Variants in ZNF71 observed in about 807,000 individuals in gnomAD.
ZNF71 encodes the protein zinc finger protein 71, also known as endothelial zinc finger protein induced by tumor necrosis factor alpha.
In ZNF71, 3 loss-of-function variants were observed where a neutral mutation model predicts 6.7. The observed-to-expected ratio is 0.45, with a 90% CI of 0.20 to 1.16. ZNF71 has a LOEUF of 1.16. Among genes scored for constraint, ZNF71 ranks in the 50% most tolerant of loss-of-function variants. ZNF71 has a pLI of 0.25. For synonymous variants in ZNF71, 343 were observed against 311.1 expected (o/e 1.10, Z -1.08); for missense variants, 688 against 728.6 (o/e 0.94, Z 0.64).
intron 2 of ZNF71, among the ~76,000 whole-genome samples, chr19:56,612,639 A>AG (rs528890991): frequency 1.3e-3 from 191 of 152,212 alleles, no homozygotes; most frequent in African/African-American, 4.5e-3. Context: ...GCAAGGTGGC[A>AG]GGGGGGTGAG....
Position 56,623,070 on chromosome 19 carries a change from C to A in ZNF71, c.*313C>A. 1 of 367,562 alleles carries A rather than the reference C, an allele frequency of 2.7e-6. No homozygotes were observed. 22.8% of individuals were successfully genotyped at this position (367,562 alleles called of 1,614,324 possible). ...TTGAGTAACTGTCCTAGAGCTGGGA[C>A]AGGTCACGCCTGCCTCCACATCTCT... On this transcript the variant is annotated 3_prime_UTR_variant, in exon 4 of 4. Transcript: ENST00000599599.
At chr19:56,599,579 G>T (rs951586214) in intron 1 of ZNF71, among the ~76,000 whole-genome samples, 2 of 151,968 alleles carry the variant, frequency 1.3e-5, no homozygotes, top group Non-Finnish European at 2.9e-5. Flanking sequence ...GAGTACATGA[G>T]ATATTTTGAT....
Position 56,613,336 on chromosome 19 carries a change from C to A in ZNF71, c.34-476C>A, listed in dbSNP as rs537289824. Among the ~76,000 whole-genome samples, 1 of 152,212 alleles carries A rather than the reference C, an allele frequency of 6.6e-6. No homozygotes were observed. The highest frequency in any genetic ancestry group is 1.5e-5 in the Non-Finnish European group (1 of 68,036). ...TTGTTCATACCTTCATGATTGATTGCGTTTACCAAATTACGTGTCTTTGTC... is the reference window on the plus strand; with the variant it reads ...TTGTTCATACCTTCATGATTGATTGAGTTTACCAAATTACGTGTCTTTGTC... On this transcript the variant is annotated intron_variant, in intron 2 of 3. Transcript: ENST00000599599. This position sits in a 1 kb window ranked among gnomAD's most constrained non-coding sequence, Gnocchi z 4.6.
chr19:56,601,594 G>A lies in ZNF71; in HGVS notation c.33+3G>A. On this transcript the variant is annotated splice_donor_region_variant and intron_variant, in intron 2 of 3. Transcript: ENST00000599599. ...AGCTGCTGACTGATGAGGCACTGGT[G>A]AGTCATGTTGCCCTGTCACTCTCCT... 1 of 985,850 alleles carries A rather than the reference G, an allele frequency of 1.0e-6. No individual in the cohort carries two copies. The highest frequency in any genetic ancestry group is 1.7e-5 in the African/African-American group (1 of 57,310). The allele number at this position is 985,850 out of a possible 1,614,324, so 61.1% of individuals were successfully genotyped here. A position where few individuals can be genotyped will look rare whatever the true frequency, so the allele number is the denominator to read the frequency against.
rs1441379411 is a variant in ZNF71 at position 56,623,609 on chromosome 19, T to G, written c.*852T>G. The G allele has an allele frequency of 6.0e-6, 1 of 167,102 alleles. No homozygotes were observed. Among genetic ancestry groups the G allele is most frequent in the Non-Finnish European group, 1.5e-5 (1 of 68,126 alleles). 10.4% of individuals were successfully genotyped at this position (167,102 alleles called of 1,614,324 possible). A position where few individuals can be genotyped will look rare whatever the true frequency, so the allele number is the denominator to read the frequency against. ...GCACAGATTATTTTTATAGTGATTT[T>G]TGCAGCTAAATGTGAAGGCAACTGT... On this transcript the variant is annotated 3_prime_UTR_variant, in exon 4 of 4. Transcript: ENST00000599599.
intron 1 of ZNF71, among the ~76,000 whole-genome samples, chr19:56,599,703 T>G (rs1443997373): frequency 6.6e-6 from 1 of 151,292 alleles, no homozygotes; most frequent in Non-Finnish European, 1.5e-5. Flanking sequence ...TTTGTTTTTT[T>G]TTTTTTTTGA....
chr19:56,613,719 G>T lies in ZNF71; in HGVS notation c.34-93G>T. 1.0e-6 allele frequency: 1 copy of T among 1,003,188 alleles called. No individual in the cohort carries two copies. The allele number at this position is 1,003,188 out of a possible 1,614,324, so 62.1% of individuals were successfully genotyped here. A position where few individuals can be genotyped will look rare whatever the true frequency, so the allele number is the denominator to read the frequency against. On this transcript the variant is annotated intron_variant, in intron 2 of 3. Coordinates refer to ENST00000599599, the MANE Select transcript of ZNF71 (RefSeq NM_001370215.1). This position sits in a 1 kb window ranked among gnomAD's most constrained non-coding sequence, Gnocchi z 4.6. ...AAATCACTTCAGCTACATCCCATCT[G>T]CCTCCCCTAAATCCTCTTGGCTTTT...
At chr19:56,614,255 T>C (rs1027125844) in intron 3 of ZNF71, among the ~76,000 whole-genome samples, 1 of 152,196 alleles carries the variant, frequency 6.6e-6, no homozygotes, top group African/African-American at 2.4e-5. Context: ...TTATAAAAGT[T>C]TTTTAAACCT....
At chr19:56,606,834 C>G (rs1422352601) in intron 2 of ZNF71, among the ~76,000 whole-genome samples, 1 of 152,064 alleles carries the variant, frequency 6.6e-6, no homozygotes, top group Admixed American at 6.5e-5. Flanking sequence ...CTTCTGTGAT[C>G]TAGCCTGAGA....
intron 2 of ZNF71, among the ~76,000 whole-genome samples, chr19:56,607,157 A>G (rs1159591897): frequency 6.6e-6 from 1 of 152,204 alleles, no homozygotes; most frequent in East Asian, 1.9e-4. Flanking sequence ...ATGGTATCTA[A>G]TACGTATTCT....
At position 56,618,933 on chromosome 19, in the gene ZNF71, G is replaced by A. The variant is rs957669380; in HGVS notation, c.161-2335G>A. 7.2e-5 allele frequency among the ~76,000 whole-genome samples: 11 copies of A among 152,138 alleles called. No individual in the cohort carries two copies. The highest frequency in any genetic ancestry group is 3.9e-4 in the East Asian group (2 of 5,170). On this transcript the variant is annotated intron_variant, in intron 3 of 3. Coordinates refer to ENST00000599599, the MANE Select transcript of ZNF71 (RefSeq NM_001370215.1). The surrounding 1 kb of genome is among the most constrained non-coding windows in gnomAD (Gnocchi z 4.6). ...GACGCATTGCAGGGGTGAGAATGGGGTGGGGAGGACAGAGAGGAGCTGCTG... is the reference window on the plus strand; with the variant it reads ...GACGCATTGCAGGGGTGAGAATGGGATGGGGAGGACAGAGAGGAGCTGCTG...
At chr19:56,617,250 A>G (rs993523460) in intron 3 of ZNF71, among the ~76,000 whole-genome samples, 5 of 152,018 alleles carry the variant, frequency 3.3e-5, no homozygotes, top group African/African-American at 1.2e-4. Flanking sequence ...AGCTAGGATT[A>G]CAGGTGCCTG....
At chr19:56,612,412 T>C (rs1171008160) in intron 2 of ZNF71, among the ~76,000 whole-genome samples, 2 of 151,976 alleles carry the variant, frequency 1.3e-5, no homozygotes, top group East Asian at 1.9e-4. Flanking sequence ...CACACATACA[T>C]ACACACACAT....
chr19:56,595,853 T>TTG (rs60371305), intron 1 of ZNF71, among the ~76,000 whole-genome samples: 11,824 of 137,452 alleles, frequency 0.086, 741 homozygotes, highest in African/African-American at 0.17. Context: ...GTGTGTGTGT[T>TTG]TGTGTGTGTG....
chr19:56,601,294 A>C (rs1437693212), intron 1 of ZNF71, among the ~76,000 whole-genome samples: 2 of 151,918 alleles, frequency 1.3e-5, no homozygotes, highest in African/African-American at 4.8e-5. Flanking sequence ...AGTAGTACCT[A>C]CCTTCCAGGA....
At chr19:56,620,190 T>G (rs1470270185) in intron 3 of ZNF71, among the ~76,000 whole-genome samples, 2 of 151,996 alleles carry the variant, frequency 1.3e-5, no homozygotes, top group Non-Finnish European at 2.9e-5. Flanking sequence ...GCGGGAGGGC[T>G]GGGGCCAGCC....
chr19:56,615,270 C>T (rs1300176353), intron 3 of ZNF71, among the ~76,000 whole-genome samples: 1 of 152,196 alleles, frequency 6.6e-6, no homozygotes, highest in Non-Finnish European at 1.5e-5. Flanking sequence ...TCATGTGCTA[C>T]ATGTATATTT....
intron 2 of ZNF71, among the ~76,000 whole-genome samples, chr19:56,611,553 C>A (rs550154214): frequency 6.6e-6 from 1 of 152,234 alleles, no homozygotes; most frequent in South Asian, 2.1e-4. Context: ...TCAAAGCCCG[C>A]AGATCTCTGT....
At position 56,622,139 on chromosome 19, in the gene ZNF71, C is replaced by G; in HGVS notation, c.1032C>G (p.His344Gln). ...ECGRAFSQNMHLTEHQRTHTG... is the reference protein window; with the variant it reads ...ECGRAFSQNMQLTEHQRTHTG... ...GGCGAGCCTTCAGCCAGAACATGCA[C>G]CTGACCGAGCACCAGCGCACGCACA... The change falls in exon 4 of 4, where the codon CAC becomes CAG. Residue 344 changes from histidine to glutamine, a missense_variant. By Grantham distance (24) the His-to-Gln change is conservative (BLOSUM62 0). Transcript: ENST00000599599. 1 of 1,613,188 alleles carries G rather than the reference C, an allele frequency of 6.2e-7. No homozygotes were observed. Among genetic ancestry groups the G allele is most frequent in the East Asian group, 2.2e-5 (1 of 44,784 alleles).
Sources: gnomAD v4.1 joint callset for allele counts (sites outside exome capture counted in the v4.1 genomes callset) on GRCh38, gnomAD v4.1.1 for gene constraint, Gnocchi (gnomAD v3.1) non-coding constraint, MANE v1.5 for transcripts, NCBI Gene and HGNC (gene_info 2026-07-23, HGNC 2026-07-21) for gene names.